Variants in IQGAP2 observed in about 807,000 individuals in gnomAD.
IQGAP2 encodes the protein ras GTPase-activating-like protein IQGAP2.
Under a neutral mutation model 201.3 loss-of-function variants are expected in IQGAP2, and 173 were observed. The ratio of observed to expected loss-of-function variants is 0.86; its 90% CI spans 0.76 to 0.98. The LOEUF (loss-of-function observed/expected upper bound fraction) is 0.98. Among genes scored for constraint, IQGAP2 ranks in the 50% least tolerant of loss-of-function variants. The pLI is 0.00. For synonymous variants in IQGAP2, 675 were observed against 673.9 expected (o/e 1.00, Z -0.03); for missense variants, 1,687 against 1,864.8 (o/e 0.90, Z 1.76).
At chr5:76,602,557 T>C (rs970412859) in intron 11 of IQGAP2, among the ~76,000 whole-genome samples, 4 of 151,894 alleles carry the variant, frequency 2.6e-5, no homozygotes, top group African/African-American at 9.7e-5. Flanking sequence ...GAGTGTTCTG[T>C]GTGAAGAACT....
intron 2 of IQGAP2, among the ~76,000 whole-genome samples, chr5:76,490,153 G>A (rs1756451119): frequency 6.6e-6 from 1 of 152,182 alleles, no homozygotes; most frequent in African/African-American, 2.4e-5. Flanking sequence ...CTTCTCAGGA[G>A]GAAGACAGGT....
chr5:76,639,866 T>C (rs1332964006), intron 16 of IQGAP2, among the ~76,000 whole-genome samples: 1 of 152,204 alleles, frequency 6.6e-6, no homozygotes, highest in Non-Finnish European at 1.5e-5. Context: ...TAGCAATGGA[T>C]TATTAGTGCT....
At chr5:76,454,690 C>T (rs1184168514) in intron 1 of IQGAP2, among the ~76,000 whole-genome samples, 1 of 150,940 alleles carries the variant, frequency 6.6e-6, no homozygotes, top group African/African-American at 2.4e-5. Flanking sequence ...TCCAGTCTAT[C>T]ATTGTTGGAC....
rs369983189 is a variant in IQGAP2 at position 76,469,560 on chromosome 5, A to T, written c.146+7891A>T. Among the ~76,000 whole-genome samples, 14 of 152,140 alleles carry T rather than the reference A, an allele frequency of 9.2e-5. No homozygotes were observed. The East Asian group carries it at 2.5e-3, about 27-fold the overall frequency. On this transcript the variant is annotated intron_variant, in intron 2 of 35. Transcript: ENST00000274364. ...GCTAGGATTACAGAAGTATGCCACC[A>T]TGTCTGGCTAATTTTTATATTGTTG...
At chr5:76,679,629 A>G (rs573803564) in intron 28 of IQGAP2, among the ~76,000 whole-genome samples, 131 of 152,326 alleles carry the variant, frequency 8.6e-4, no homozygotes, top group Admixed American at 2.8e-3. Context: ...CTAAATAATC[A>G]TTTCCAAAGA....
intron 30 of IQGAP2, among the ~76,000 whole-genome samples, chr5:76,684,701 TGAAACAATAC>T (rs1261275242): frequency 6.6e-6 from 1 of 152,202 alleles, no homozygotes; most frequent in Non-Finnish European, 1.5e-5. Flanking sequence ...AAGTATGTGT[TGAAACAATAC>T]GAAACATATT....
intron 5 of IQGAP2, among the ~76,000 whole-genome samples, chr5:76,588,275 C>A (rs1351493489): frequency 6.6e-6 from 1 of 152,140 alleles, no homozygotes; most frequent in Non-Finnish European, 1.5e-5. Context: ...TAGATGCCAG[C>A]TCTCAAGTTC....
chr5:76,425,212 T>C (rs1383864259), intron 1 of IQGAP2, among the ~76,000 whole-genome samples: 1 of 152,232 alleles, frequency 6.6e-6, no homozygotes, highest in Non-Finnish European at 1.5e-5. Flanking sequence ...CTGCCCTCTC[T>C]AGTGGTTCCA....
chr5:76,567,660 C>G (rs934525875), intron 3 of IQGAP2, among the ~76,000 whole-genome samples: 6 of 152,164 alleles, frequency 3.9e-5, no homozygotes, highest in Non-Finnish European at 7.4e-5. Context: ...TTGAGCCTAA[C>G]AAGTTAGGTC....
intron 2 of IQGAP2, among the ~76,000 whole-genome samples, chr5:76,516,658 G>C (rs1580364934): frequency 1.3e-5 from 2 of 152,278 alleles, no homozygotes; most frequent in East Asian, 3.9e-4. Context: ...ATGGAAACTT[G>C]TCTAAAGAAT....
intron 2 of IQGAP2, among the ~76,000 whole-genome samples, chr5:76,546,294 G>A (rs1217792566): frequency 6.6e-6 from 1 of 152,160 alleles, no homozygotes; most frequent in Admixed American, 6.5e-5. Context: ...AAATTGGTCA[G>A]GTGTGGTGGC....
At chr5:76,484,642 G>A (rs1318343293) in intron 2 of IQGAP2, among the ~76,000 whole-genome samples, 1 of 151,980 alleles carries the variant, frequency 6.6e-6, no homozygotes, top group African/African-American at 2.4e-5. Flanking sequence ...CCCTAGAACT[G>A]AAAGTATAAT....
chr5:76,508,635 G>A (rs1757755005), intron 2 of IQGAP2, among the ~76,000 whole-genome samples: 1 of 151,462 alleles, frequency 6.6e-6, no homozygotes, highest in African/African-American at 2.4e-5. Flanking sequence ...TTGAGCCCAG[G>A]TGTTTGAAAC....
rs530342638 is a variant in IQGAP2 at position 76,496,918 on chromosome 5, C to T, written c.146+35249C>T. On this transcript the variant is annotated intron_variant, in intron 2 of 35. Coordinates refer to ENST00000274364, the MANE Select transcript of IQGAP2 (RefSeq NM_006633.5). ...GATCTCAGCTCACTGCAACCTCTGC[C>T]TCCTGTGTTCAAGCGATTCTCCTGT... Among the ~76,000 whole-genome samples, 3 of 152,024 alleles carry T rather than the reference C, an allele frequency of 2.0e-5. No homozygotes were observed. In the East Asian group the frequency reaches 5.8e-4, roughly 29 times the overall value.
Position 76,601,056 on chromosome 5 carries a change from G to A in IQGAP2, c.1232+84G>A, listed in dbSNP as rs1056442918. On this transcript the variant is annotated intron_variant, in intron 11 of 35. Transcript: ENST00000274364. ...AAAGTGAGGAATTTGCCTGTTGGTG[G>A]AGAAATCCATATACCATGCTCATGT... 3 of 1,350,764 alleles carry A rather than the reference G, an allele frequency of 2.2e-6. No homozygotes were observed. In the Admixed American group the frequency reaches 5.6e-5, roughly 25 times the overall value. 83.7% of individuals were successfully genotyped at this position (1,350,764 alleles called of 1,614,324 possible).
intron 13 of IQGAP2, among the ~76,000 whole-genome samples, chr5:76,626,713 C>T (rs1201327374): frequency 2.6e-5 from 4 of 152,122 alleles, no homozygotes; most frequent in Non-Finnish European, 5.9e-5. Context: ...AAAAATATCC[C>T]ATGGTACCCT....
chr5:76,509,989 T>C (rs1476017656), intron 2 of IQGAP2, among the ~76,000 whole-genome samples: 12 of 151,434 alleles, frequency 7.9e-5, no homozygotes, highest in Admixed American at 3.3e-4. Flanking sequence ...TCTTTCTTTT[T>C]TTTTTTTTTT....
At chr5:76,600,075 G>A (rs571127988) in intron 10 of IQGAP2, among the ~76,000 whole-genome samples, 8 of 152,224 alleles carry the variant, frequency 5.3e-5, no homozygotes, top group Non-Finnish European at 1.0e-4. Flanking sequence ...TTGAACCTGG[G>A]AGGCGGAGGC....
rs1245441062 is a variant in IQGAP2 at position 76,609,963 on chromosome 5, C to T, written c.1358-1057C>T. Among the ~76,000 whole-genome samples, 4 of 144,122 alleles carry T rather than the reference C, an allele frequency of 2.8e-5. No individual in the cohort carries two copies. In the South Asian group the frequency reaches 9.1e-4, roughly 33 times the overall value. 94.5% of individuals were successfully genotyped at this position (144,122 alleles called of 152,430 possible). On this transcript the variant is annotated intron_variant, in intron 12 of 35. Coordinates refer to ENST00000274364, the MANE Select transcript of IQGAP2 (RefSeq NM_006633.5). ...TTGAGAAGTAACCTCCAGATAGATC[C>T]GTTTCATTAGAATTGTAAAAGCAGG...
Sources: allele counts gnomAD v4.1 joint callset (sites outside exome capture counted in the v4.1 genomes callset), GRCh38; gene constraint gnomAD v4.1.1; transcripts MANE v1.5; gene names NCBI Gene and HGNC (gene_info 2026-07-23, HGNC 2026-07-21).